The following MTMR1 variants were observed in gnomAD, a reference collection of about 807,000 sequenced individuals.
MTMR1 encodes myotubularin related protein 1.
A neutral mutation model predicts 51.6 loss-of-function variants in MTMR1; 17 were observed. The ratio of observed to expected loss-of-function variants is 0.33; its 90% CI spans 0.23 to 0.49. MTMR1 has a LOEUF of 0.49. Among genes scored for constraint, MTMR1 ranks in the 20% least tolerant of loss-of-function variants. MTMR1 has a pLI of 0.99. For missense variants in MTMR1, 386 were observed against 526.9 expected (o/e 0.73, Z 2.62); for synonymous variants, 201 against 205.6 (o/e 0.98, Z 0.19).
intron 2 of MTMR1, among the ~76,000 whole-genome samples, chrX:150,704,687 C>T (rs1473165299): frequency 8.9e-6 from 1 of 111,911 alleles, no homozygotes; most frequent in African/African-American, 3.3e-5. Context: ...AGGCTGAGTA[C>T]GGAACCTGGA....
intron 15 of MTMR1, among the ~76,000 whole-genome samples, chrX:150,760,821 G>A (rs1486093422): frequency 1.8e-5 from 2 of 109,890 alleles, no homozygotes; most frequent in African/African-American, 3.3e-5. Context: ...CAGCTGCTCA[G>A]GAGGCTGAGG....
At chrX:150,698,305 T>A (rs782737810) in intron 1 of MTMR1, among the ~76,000 whole-genome samples, 24 of 108,053 alleles carry the variant, frequency 2.2e-4, no homozygotes, top group African/African-American at 4.4e-4. Context: ...AAAAAAAAAA[T>A]AAATAAAAAA....
chrX:150,746,239 C>G (rs2148656468), intron 13 of MTMR1, among the ~76,000 whole-genome samples: 1 of 112,004 alleles, frequency 8.9e-6, no homozygotes, highest in Non-Finnish European at 1.9e-5. Flanking sequence ...CTTTTACACC[C>G]AGCTTCAACA....
At chrX:150,718,060 G>A (rs781843236) in intron 3 of MTMR1, among the ~76,000 whole-genome samples, 1 of 112,287 alleles carries the variant, frequency 8.9e-6, no homozygotes, top group Non-Finnish European at 1.9e-5. Flanking sequence ...CCGTGTGCAC[G>A]AGCACACACA....
At chrX:150,721,677 G>A (rs2041753715) in intron 4 of MTMR1, among the ~76,000 whole-genome samples, 1 of 110,869 alleles carries the variant, frequency 9.0e-6, no homozygotes, top group East Asian at 2.8e-4. Flanking sequence ...TTTCTCATCT[G>A]GCTAGAGGTT....
chrX:150,736,515 G>T, intron 10 of MTMR1, 80 bp from the exon 11 acceptor site: 2 of 943,841 alleles, frequency 2.1e-6, no homozygotes. Flanking sequence ...TGCTTCTTTA[G>T]TGGTCTGTAT....
intron 2 of MTMR1, among the ~76,000 whole-genome samples, chrX:150,710,810 A>G (rs1203192689): frequency 8.9e-6 from 1 of 112,655 alleles, no homozygotes; most frequent in East Asian, 2.8e-4. Flanking sequence ...TAGCATTTCA[A>G]TCAGCAGAGA....
intron 4 of MTMR1, among the ~76,000 whole-genome samples, chrX:150,725,630 A>G (rs890059507): frequency 1.8e-5 from 2 of 112,131 alleles, no homozygotes; most frequent in South Asian, 7.4e-4. Context: ...TAAGAACCTT[A>G]TAGTAGTATA....
chrX:150,695,185 C>T (rs1357010044), intron 1 of MTMR1, among the ~76,000 whole-genome samples: 1 of 111,993 alleles, frequency 8.9e-6, no homozygotes, highest in Non-Finnish European at 1.9e-5. Context: ...GACTAGGTGT[C>T]ACTAGCAGGG....
chrX:150,727,406 A>G, intron 5 of MTMR1, 97 bp downstream of exon 5: 1 of 675,501 alleles, frequency 1.5e-6, no homozygotes, highest in South Asian at 3.0e-5. Flanking sequence ...CATTACCCTG[A>G]GATAACCACA....
chrX:150,700,259 T>C (rs1190744777), intron 2 of MTMR1, among the ~76,000 whole-genome samples: 2 of 112,105 alleles, frequency 1.8e-5, no homozygotes, highest in Non-Finnish European at 3.8e-5. Flanking sequence ...TCTTAATAGG[T>C]ACTCCTTGTT....
intron 13 of MTMR1, among the ~76,000 whole-genome samples, chrX:150,746,195 A>G (rs1172148604): frequency 8.9e-6 from 1 of 112,084 alleles, no homozygotes; most frequent in East Asian, 2.8e-4. Flanking sequence ...GATTTCATGG[A>G]GTCCTCAGGC....
intron 12 of MTMR1, among the ~76,000 whole-genome samples, chrX:150,740,960 G>T (rs1462547261): frequency 2.7e-5 from 3 of 111,152 alleles, no homozygotes; most frequent in African/African-American, 9.8e-5. Flanking sequence ...TATTTATGAG[G>T]GATCCACCCC....
chrX:150,706,074 G>A (rs1557416063), intron 2 of MTMR1, among the ~76,000 whole-genome samples: 1 of 111,243 alleles, frequency 9.0e-6, no homozygotes. Flanking sequence ...CCAAGTTTGA[G>A]GGGTGAGCAT....
chrX:150,706,919 A>G (rs183971054), intron 2 of MTMR1, among the ~76,000 whole-genome samples: 101 of 111,700 alleles, frequency 9.0e-4, no homozygotes, highest in African/African-American at 3.1e-3. Context: ...AACAGAGCAG[A>G]GAACCTAGAA....
chrX:150,715,730 G>C (rs1202177573), intron 3 of MTMR1, among the ~76,000 whole-genome samples: 1 of 112,616 alleles, frequency 8.9e-6, no homozygotes, highest in African/African-American at 3.2e-5. Context: ...AATCTCCTAC[G>C]GGGAAATCTG....
intron 6 of MTMR1, 67 bp downstream of exon 6, chrX:150,727,858 C>G: frequency 1.3e-6 from 1 of 779,700 alleles, no homozygotes; most frequent in Non-Finnish European, 1.9e-6. Flanking sequence ...CTCCCTCAGT[C>G]TCTTCATGGT....
chrX:150,748,542 G>T (rs1379840008), intron 13 of MTMR1, among the ~76,000 whole-genome samples: 1 of 110,364 alleles, frequency 9.1e-6, no homozygotes, highest in African/African-American at 3.3e-5. Context: ...TTTGAGCCGG[G>T]CACGGTAGCT....
chrX:150,752,450 C>T (rs1382123888), intron 14 of MTMR1, among the ~76,000 whole-genome samples: 1 of 111,187 alleles, frequency 9.0e-6, no homozygotes, highest in African/African-American at 3.3e-5. Flanking sequence ...AAAATCCACA[C>T]TCCTGCGGGC....
Sources: gnomAD v4.1 joint callset for allele counts (sites outside exome capture counted in the v4.1 genomes callset) on GRCh38, gnomAD v4.1.1 for gene constraint, MANE v1.5 for transcripts, NCBI Gene and HGNC (gene_info 2026-07-23, HGNC 2026-07-21) for gene names.